Variants in CACNA2D4 observed in about 807,000 individuals in gnomAD.
The protein encoded by CACNA2D4 is calcium voltage-gated channel auxiliary subunit alpha2delta 4, also known as voltage-dependent calcium channel subunit alpha-2/delta-4.
CACNA2D4 carries 157 observed loss-of-function variants against 163.8 expected under a neutral mutation model. That is an observed-to-expected ratio of 0.96 (90% CI 0.84 to 1.09). The LOEUF (loss-of-function observed/expected upper bound fraction) is 1.09, where lower values mean the gene tolerates loss of function less well. Ranked by LOEUF, CACNA2D4 falls within the 50% of genes least tolerant of loss-of-function variation. The pLI is 0.00. For synonymous variants in CACNA2D4, 598 were observed against 586.9 expected (o/e 1.02, Z -0.27); for missense variants, 1,410 against 1,479.9 (o/e 0.95, Z 0.78).
intron 6 of CACNA2D4, among the ~76,000 whole-genome samples, chr12:1,896,920 T>A (rs2154450538): frequency 6.6e-6 from 1 of 152,204 alleles, no homozygotes; most frequent in African/African-American, 2.4e-5. Flanking sequence ...AAAAGATGAA[T>A]AAAGGAGATG....
chr12:1,818,603 A>G (rs1475105135), intron 26 of CACNA2D4, among the ~76,000 whole-genome samples: 1 of 151,308 alleles, frequency 6.6e-6, no homozygotes, highest in Non-Finnish European at 1.5e-5. Flanking sequence ...ACCACTCCCT[A>G]ATCTCAAGTA....
intron 29 of CACNA2D4, among the ~76,000 whole-genome samples, chr12:1,807,944 G>A (rs1863594622): frequency 5.3e-5 from 8 of 152,086 alleles, no homozygotes; most frequent in Admixed American, 4.6e-4. Flanking sequence ...GGGGTAAAAA[G>A]GTAATAGAAT....
chr12:1,887,673 A>C (rs573437255), intron 6 of CACNA2D4, among the ~76,000 whole-genome samples: 18 of 152,362 alleles, frequency 1.2e-4, no homozygotes, highest in African/African-American at 4.3e-4. Flanking sequence ...ATGCTGGTGT[A>C]GATTTTTATC....
chr12:1,854,902 A>G (rs1400632368), intron 22 of CACNA2D4, among the ~76,000 whole-genome samples: 1 of 152,212 alleles, frequency 6.6e-6, no homozygotes, highest in East Asian at 1.9e-4. Flanking sequence ...AAAGTATGCA[A>G]TTCAGTCAGC....
chr12:1,843,703 G>C lies in CACNA2D4; in HGVS notation c.2470+699C>G, dbSNP rs1865081703. On this transcript the variant is annotated intron_variant, in intron 25 of 37. Coordinates refer to ENST00000382722, the MANE Select transcript of CACNA2D4 (RefSeq NM_172364.5). This position sits in a 1 kb window ranked among gnomAD's most constrained non-coding sequence, Gnocchi z 4.6. ...GCAGGATTTTTCCGGTGCTCTGTTA[G>C]AGTCACTTAATTTTTCTTATTTTGG... Among the ~76,000 whole-genome samples the C allele has an allele frequency of 2.0e-5, 3 of 152,252 alleles. No homozygotes were observed. Among genetic ancestry groups the C allele is most frequent in the Admixed American group, 2.0e-4 (3 of 15,290 alleles).
chr12:1,800,174 T>C (rs1308852562), intron 32 of CACNA2D4, 122 bp from the exon 33 acceptor site: 1 of 1,069,456 alleles, frequency 9.4e-7, no homozygotes, highest in Non-Finnish European at 1.4e-6. Flanking sequence ...CCCTCTTCCC[T>C]GCTTGAGGGC....
intron 6 of CACNA2D4, among the ~76,000 whole-genome samples, chr12:1,890,291 A>G (rs1364232584): frequency 6.6e-6 from 1 of 151,960 alleles, no homozygotes. Flanking sequence ...AAGAGTCCAG[A>G]CTCCACCAGA....
At chr12:1,897,272 C>T (rs1406967046) in intron 6 of CACNA2D4, among the ~76,000 whole-genome samples, 1 of 151,960 alleles carries the variant, frequency 6.6e-6, no homozygotes, top group Admixed American at 6.6e-5. Context: ...TTAGTGGGCA[C>T]GAGCATACAA....
intron 6 of CACNA2D4, among the ~76,000 whole-genome samples, chr12:1,897,604 A>T (rs985796887): frequency 2.0e-5 from 3 of 152,220 alleles, no homozygotes; most frequent in African/African-American, 7.2e-5. Context: ...AGTAAAAGAG[A>T]TTGCCAGTTT....
chr12:1,848,887 C>T (rs958866165), intron 23 of CACNA2D4, among the ~76,000 whole-genome samples: 4 of 152,156 alleles, frequency 2.6e-5, no homozygotes, highest in African/African-American at 4.8e-5. Flanking sequence ...GGATAACAGC[C>T]GTGCCTCCAC....
At chr12:1,873,401 G>T (rs1204086258) in intron 18 of CACNA2D4, among the ~76,000 whole-genome samples, 3 of 152,188 alleles carry the variant, frequency 2.0e-5, no homozygotes, top group South Asian at 2.1e-4. Context: ...ACTGCATTTG[G>T]TTAGGACTCT....
At chr12:1,847,952 AT>A (rs1210440792) in intron 23 of CACNA2D4, among the ~76,000 whole-genome samples, 1 of 152,190 alleles carries the variant, frequency 6.6e-6, no homozygotes, top group Admixed American at 6.5e-5. Flanking sequence ...CGCCTCGCGA[AT>A]TTTTTTAAGT....
intron 27 of CACNA2D4, among the ~76,000 whole-genome samples, chr12:1,811,453 G>A (rs1414657812): frequency 6.6e-6 from 1 of 152,204 alleles, no homozygotes; most frequent in Non-Finnish European, 1.5e-5. Context: ...TCTGGGTCGT[G>A]CCCTCAGCAC....
At position 1,801,643 on chromosome 12, in the gene CACNA2D4, G is replaced by C; in HGVS notation, c.2723C>G (p.Thr908Arg). The change falls in exon 30 of 38, where the codon ACG becomes AGG. Residue 908 changes from threonine to arginine, a missense_variant and splice_region_variant. Coordinates refer to ENST00000382722, the MANE Select transcript of CACNA2D4 (RefSeq NM_172364.5). ...FILISKRSRE[T>R]GRFLGEVDGA... ...ATCCACCTCCCCCAGAAATCTTCCC[G>C]TCTGTGAGAGAGGGACAGCAGAGAG... is the stretch of plus-strand genomic sequence containing the variant. 1 of 1,580,208 alleles carries C rather than the reference G, an allele frequency of 6.3e-7. No homozygotes were observed. Among genetic ancestry groups the C allele is most frequent in the Admixed American group, 1.8e-5 (1 of 55,790 alleles).
chr12:1,799,858 G>T lies in CACNA2D4; in HGVS notation c.2974+142C>A, dbSNP rs970016038. On this transcript the variant is annotated intron_variant, in intron 33 of 37. Transcript: ENST00000382722. The surrounding 1 kb of genome is among the most constrained non-coding windows in gnomAD (Gnocchi z 4.7). The stretch of plus-strand genomic sequence containing the variant: ...GGAGTGAGGGATGTGATGAGAGAAG[G>T]CCACGCAGGGTGAGATGTGAACAAC... The T allele has an allele frequency of 8.0e-7, 1 of 1,251,658 alleles. No homozygotes were observed. Among genetic ancestry groups the T allele is most frequent in the Non-Finnish European group, 1.1e-6 (1 of 881,110 alleles). 77.5% of individuals were successfully genotyped at this position (1,251,658 alleles called of 1,614,324 possible).
chr12:1,838,615 G>A (rs1447912838), intron 26 of CACNA2D4, among the ~76,000 whole-genome samples: 2 of 152,220 alleles, frequency 1.3e-5, no homozygotes, highest in African/African-American at 4.8e-5. Context: ...TGTCTGCAGT[G>A]AGTTAAACTG....
In CACNA2D4 at chr12:1,878,882, A is replaced by G; in HGVS notation, c.1644+74T>C. The G allele has an allele frequency of 3.6e-6, 5 of 1,384,788 alleles. No homozygotes were observed. The highest frequency in any genetic ancestry group is 4.0e-6 in the Non-Finnish European group (4 of 993,656). The allele number at this position is 1,384,788 out of a possible 1,614,324, so 85.8% of individuals were successfully genotyped here. On this transcript the variant is annotated intron_variant, in intron 15 of 37. Transcript: ENST00000382722. This position sits in a 1 kb window ranked among gnomAD's most constrained non-coding sequence, Gnocchi z 4.6. ...CTCTGGGCTTGGCTTGCCTGGAGAG[A>G]GGCTCCCATCACGGGGGAGGGAGTT...
At chr12:1,880,365 A>C (rs773010534) in intron 13 of CACNA2D4, among the ~76,000 whole-genome samples, 4 of 152,252 alleles carry the variant, frequency 2.6e-5, no homozygotes, top group Non-Finnish European at 5.9e-5. Context: ...GAGGCACTGC[A>C]GTGCAAAGGC....
intron 18 of CACNA2D4, among the ~76,000 whole-genome samples, chr12:1,863,018 A>G (rs561213954): frequency 5.9e-5 from 9 of 152,314 alleles, no homozygotes; most frequent in Admixed American, 4.6e-4. Context: ...CCTCAGGTTG[A>G]GAAGATTTTC....
Sources: gnomAD v4.1 joint callset for allele counts (sites outside exome capture counted in the v4.1 genomes callset) on GRCh38, gnomAD v4.1.1 for gene constraint, Gnocchi (gnomAD v3.1) non-coding constraint, MANE v1.5 for transcripts, NCBI Gene and HGNC (gene_info 2026-07-23, HGNC 2026-07-21) for gene names.